Variants in USP40 observed in about 807,000 individuals in gnomAD.
The protein encoded by USP40 is ubiquitin carboxyl-terminal hydrolase 40.
A neutral mutation model predicts 166.2 loss-of-function variants in USP40; 143 were observed. The ratio of observed to expected loss-of-function variants is 0.86; its 90% CI spans 0.75 to 0.99. The LOEUF is 0.99. Ranked by LOEUF, USP40 falls within the 50% of genes least tolerant of loss-of-function variation. The probability of loss-of-function intolerance (pLI) is 0.00; values close to 1 mark genes in which losing one functional copy is unlikely to be tolerated. For synonymous variants in USP40, 498 were observed against 524.0 expected (o/e 0.95, Z 0.68); for missense variants, 1,444 against 1,479.7 (o/e 0.98, Z 0.40).
chr2:233,534,677 G>A (rs1412013008), intron 10 of USP40, among the ~76,000 whole-genome samples: 6 of 152,090 alleles, frequency 3.9e-5, no homozygotes, highest in Non-Finnish European at 8.8e-5. Context: ...GAGAACAGAG[G>A]GTAAAACAGC....
chr2:233,488,036 T>C (rs1441114534), intron 28 of USP40: 2 of 707,118 alleles, frequency 2.8e-6, no homozygotes, highest in South Asian at 3.0e-5. Flanking sequence ...TAATTCTCCC[T>C]TACTGTTTTT....
chr2:233,477,322 T>G lies in USP40; in HGVS notation c.*70A>C. 2.8e-6 allele frequency: 4 copies of G among 1,448,792 alleles called. No homozygotes were observed. The highest frequency in any genetic ancestry group is 1.2e-5 in the South Asian group (1 of 83,534). 89.7% of individuals were successfully genotyped at this position (1,448,792 alleles called of 1,614,324 possible). A position where few individuals can be genotyped will look rare whatever the true frequency, so the allele number is the denominator to read the frequency against. On this transcript the variant is annotated 3_prime_UTR_variant, in exon 32 of 32. Coordinates refer to ENST00000678225, the MANE Select transcript of USP40 (RefSeq NM_001365479.2). ...GGAGGCGCCAGGCAGCCAGTCCCCA[T>G]GCCCAGGAAACCCACGTTTGTGGCA...
intron 18 of USP40, among the ~76,000 whole-genome samples, chr2:233,514,883 C>A (rs1395380254): frequency 1.3e-5 from 2 of 152,172 alleles, no homozygotes; most frequent in Admixed American, 1.3e-4. Flanking sequence ...CATCATCCCC[C>A]CTAAAACTCC....
At chr2:233,544,657 C>T (rs919089822) in intron 8 of USP40, among the ~76,000 whole-genome samples, 1 of 152,120 alleles carries the variant, frequency 6.6e-6, no homozygotes, top group African/African-American at 2.4e-5. Flanking sequence ...GAGCTCTGTG[C>T]TAGGAATGGG....
In USP40 at chr2:233,488,062, C is replaced by T. The variant is rs1459404160; in HGVS notation, c.3197+177G>A. 4 of 721,694 alleles carry T rather than the reference C, an allele frequency of 5.5e-6. No homozygotes were observed. The African/African-American group carries it at 7.0e-5, about 13-fold the overall frequency. 44.7% of individuals were successfully genotyped at this position (721,694 alleles called of 1,614,324 possible). Reference sequence around the variant, plus strand: ...TACTGTTTTTATGGGAGAATAAGTCCCAAGTTTTAGATGCCCAGACATACA... The same window carrying T: ...TACTGTTTTTATGGGAGAATAAGTCTCAAGTTTTAGATGCCCAGACATACA... On this transcript the variant is annotated intron_variant, in intron 28 of 31. Transcript: ENST00000678225.
At chr2:233,521,278 C>T (rs1018548691) in intron 16 of USP40, among the ~76,000 whole-genome samples, 164 bp from the exon 17 acceptor site, 1 of 152,210 alleles carries the variant, frequency 6.6e-6, no homozygotes, top group African/African-American at 2.4e-5. Flanking sequence ...AGGCAGTAGT[C>T]TATAGAGTCT....
In USP40 at chr2:233,500,423, A is replaced by G. The variant is rs74378200; in HGVS notation, c.2614-508T>C. Among the ~76,000 whole-genome samples the G allele has an allele frequency of 6.3e-3, 967 of 152,360 alleles. 22 individuals carry two copies. The East Asian group carries it at 0.084, about 13-fold the overall frequency. On this transcript the variant is annotated intron_variant, in intron 21 of 31. Transcript: ENST00000678225. ...GATGTCATGGCATAATGCAAAAATG[A>G]GACAATATTAACAAAAGTTTAAATA...
Position 233,565,480 on chromosome 2 carries a change from C to T in USP40, c.75G>A (p.Lys25=). 1 of 1,537,272 alleles carries T rather than the reference C, an allele frequency of 6.5e-7. No individual in the cohort carries two copies. Among genetic ancestry groups the T allele is most frequent in the Non-Finnish European group, 8.7e-7 (1 of 1,146,848 alleles). ...NNQYGKGKKL[K]TKALEPPAPR... ...GAGCAGGTGGCTCCAAAGCTTTAGT[C>T]TTTAATTTCTTCCCTTTTCCATACT... is the stretch of plus-strand genomic sequence containing the variant. Residue 25 remains lysine, a synonymous_variant, in exon 2 of 32, where the codon AAG becomes AAA. Transcript: ENST00000678225.
intron 18 of USP40, among the ~76,000 whole-genome samples, chr2:233,513,057 A>C (rs1326145819): frequency 6.6e-6 from 1 of 152,254 alleles, no homozygotes; most frequent in East Asian, 1.9e-4. Context: ...AAATACTAGA[A>C]TCTTTGAGAA....
chr2:233,480,062 CCAG>C lies in USP40; in HGVS notation c.3599+1138_3599+1140del, dbSNP rs1309072326. 1.3e-5 allele frequency among the ~76,000 whole-genome samples: 2 copies of C among 152,226 alleles called. No homozygotes were observed. The highest frequency in any genetic ancestry group is 2.9e-5 in the Non-Finnish European group (2 of 68,032). ...GTCAACGCGTCCCCCTTCACACCCT[CCAG>C]CAGCCTCTAACCACGCTCGAACCCC... On this transcript the variant is annotated intron_variant, in intron 31 of 31. Transcript: ENST00000678225. This position sits in a 1 kb window ranked among gnomAD's most constrained non-coding sequence, Gnocchi z 4.5.
In USP40 at chr2:233,510,136, C is replaced by T. The variant is rs1277310391; in HGVS notation, c.2527-1G>A. ...TCCCCATTGCAAAAAACAGGAACAA[C>T]TAATAACAAGACAGATGTGTAAATG... is the stretch of plus-strand genomic sequence containing the variant. On this transcript the variant is annotated splice_acceptor_variant, in intron 20 of 31. Transcript: ENST00000678225. LOFTEE classifies it high-confidence loss of function. 6.3e-7 allele frequency: 1 copy of T among 1,595,016 alleles called. No homozygotes were observed. The highest frequency in any genetic ancestry group is 8.6e-7 in the Non-Finnish European group (1 of 1,168,338).
At position 233,489,361 on chromosome 2, in the gene USP40, C is replaced by T. The variant is rs1488551199; in HGVS notation, c.3131+4G>A. 6.3e-7 allele frequency: 1 copy of T among 1,581,890 alleles called. No individual in the cohort carries two copies. Among genetic ancestry groups the T allele is most frequent in the South Asian group, 1.2e-5 (1 of 86,126 alleles). ...GACAGTGTTGCGTCCAGCAAGGAACCTACCTGAGTGGCTGCCGGTCAGTTC... is the reference window on the plus strand; with the variant it reads ...GACAGTGTTGCGTCCAGCAAGGAACTTACCTGAGTGGCTGCCGGTCAGTTC... On this transcript the variant is annotated splice_donor_region_variant and intron_variant, in intron 27 of 31. Transcript: ENST00000678225.
Position 233,527,494 on chromosome 2 carries a change from G to A in USP40, c.1638C>T (p.His546=). The A allele has an allele frequency of 6.2e-7, 1 of 1,613,746 alleles. No individual in the cohort carries two copies. Among genetic ancestry groups the A allele is most frequent in the East Asian group, 2.2e-5 (1 of 44,868 alleles). The stretch of plus-strand genomic sequence containing the variant: ...CGCTTTCTGTTTGAGAGACTACTGG[G>A]TGCAGAGCCCCATTGAAGAAATGAT... The part of the protein sequence containing the change: ...PQYHFFNGAL[H]PVVSQTESVW... Residue 546 remains histidine, a synonymous_variant, in exon 13 of 32, where the codon CAC becomes CAT. Coordinates refer to ENST00000678225, the MANE Select transcript of USP40 (RefSeq NM_001365479.2).
At chr2:233,479,264 C>T (rs2064378865) in intron 31 of USP40, among the ~76,000 whole-genome samples, 2 of 152,186 alleles carry the variant, frequency 1.3e-5, no homozygotes, top group African/African-American at 4.8e-5. Flanking sequence ...AGTGGCATCA[C>T]ATTTAAATGT....
At chr2:233,503,111 C>T (rs1467339113) in intron 21 of USP40, among the ~76,000 whole-genome samples, 1 of 152,076 alleles carries the variant, frequency 6.6e-6, no homozygotes, top group Non-Finnish European at 1.5e-5. Context: ...AGAATACAGA[C>T]AATCCAAAAT....
intron 21 of USP40, among the ~76,000 whole-genome samples, chr2:233,506,580 A>T (rs1034484950): frequency 6.6e-6 from 1 of 152,026 alleles, no homozygotes; most frequent in African/African-American, 2.4e-5. Flanking sequence ...AGAATGGGAG[A>T]AAATGTTTGC....
rs1198143492 is a variant in USP40, at chr2:233,565,533, C to T, written c.22G>A (p.Glu8Lys). The T allele has an allele frequency of 4.6e-6, 7 of 1,537,260 alleles. No individual in the cohort carries two copies. The highest frequency in any genetic ancestry group is 6.1e-6 in the Non-Finnish European group (7 of 1,146,842). ...TTATTAGACACAGTGGAATACTCCT[C>T]TTCAAACAGGTCCCCAAACATTGTG... MFGDLFE[E>K]EYSTVSNNQY... Residue 8 changes from glutamate to lysine, a missense_variant, in exon 2 of 32, where the codon GAG becomes AAG. By Grantham distance (56) the Glu-to-Lys change is moderately conservative (BLOSUM62 1). Coordinates refer to ENST00000678225, the MANE Select transcript of USP40 (RefSeq NM_001365479.2).
At chr2:233,502,586 C>T (rs1210892023) in intron 21 of USP40, among the ~76,000 whole-genome samples, 4 of 152,092 alleles carry the variant, frequency 2.6e-5, no homozygotes, top group African/African-American at 9.7e-5. Context: ...CACATGTTTG[C>T]ACCCAGCCCA....
intron 25 of USP40, chr2:233,492,782 C>T (rs2065432831): frequency 6.6e-6 from 1 of 152,146 alleles, no homozygotes; most frequent in Non-Finnish European, 1.5e-5. Flanking sequence ...AAAAACATAG[C>T]TAAAGAGTTG....
Sources: allele counts gnomAD v4.1 joint callset (sites outside exome capture counted in the v4.1 genomes callset), GRCh38; gene constraint gnomAD v4.1.1; non-coding constraint Gnocchi (gnomAD v3.1); transcripts MANE v1.5; gene names NCBI Gene and HGNC (gene_info 2026-07-23, HGNC 2026-07-21).